The following ZNF804B variants were observed in gnomAD, a reference collection of about 807,000 sequenced individuals.
The protein encoded by ZNF804B is zinc finger 804B.
A neutral mutation model predicts 101.4 loss-of-function variants in ZNF804B; 80 were observed. That is an observed-to-expected ratio of 0.79 (90% confidence interval 0.66 to 0.95). ZNF804B has a LOEUF of 0.95. ZNF804B is among the 40% of genes least tolerant of loss of function. ZNF804B has a pLI of 0.00. For synonymous variants in ZNF804B, 622 were observed against 558.8 expected (o/e 1.11, Z -1.59); for missense variants, 1,673 against 1,561.9 (o/e 1.07, Z -1.20).
At chr7:89,173,241 C>A (rs976938637) in intron 1 of ZNF804B, among the ~76,000 whole-genome samples, 1 of 152,036 alleles carries the variant, frequency 6.6e-6, no homozygotes, top group Non-Finnish European at 1.5e-5. Flanking sequence ...CCAGCCTACA[C>A]CATTCCACAA....
intron 1 of ZNF804B, among the ~76,000 whole-genome samples, chr7:89,171,030 A>G (rs1386663003): frequency 6.6e-6 from 1 of 152,200 alleles, no homozygotes; most frequent in Non-Finnish European, 1.5e-5. Flanking sequence ...TAGGATTAAC[A>G]CTATGGAACA....
At chr7:89,044,943 C>A (rs143767215) in intron 1 of ZNF804B, among the ~76,000 whole-genome samples, 3 of 152,286 alleles carry the variant, frequency 2.0e-5, no homozygotes, top group African/African-American at 7.2e-5. Flanking sequence ...GAAAATATTT[C>A]CAGGTCATGT....
At chr7:89,073,780 A>T (rs1463778600) in intron 1 of ZNF804B, among the ~76,000 whole-genome samples, 1 of 152,146 alleles carries the variant, frequency 6.6e-6, no homozygotes, top group Non-Finnish European at 1.5e-5. Context: ...ATCTGTGTTT[A>T]ACTTCTGGTC....
chr7:88,800,442 T>C (rs1790560879), intron 1 of ZNF804B, among the ~76,000 whole-genome samples: 3 of 152,280 alleles, frequency 2.0e-5, no homozygotes, highest in Middle Eastern at 3.4e-3. Flanking sequence ...ATCTATTTAC[T>C]ATTTGTAGAA....
intron 1 of ZNF804B, among the ~76,000 whole-genome samples, chr7:88,912,438 G>A (rs1180951526): frequency 6.6e-6 from 1 of 152,078 alleles, no homozygotes; most frequent in Non-Finnish European, 1.5e-5. Context: ...TAATTTAGAT[G>A]AAGTATAAGT....
chr7:88,760,326 C>T (rs746462820), intron 1 of ZNF804B, among the ~76,000 whole-genome samples: 1 of 152,164 alleles, frequency 6.6e-6, no homozygotes, highest in Non-Finnish European at 1.5e-5. Flanking sequence ...TATAGTGCTA[C>T]GGATGTAAAT....
intron 1 of ZNF804B, among the ~76,000 whole-genome samples, chr7:89,064,420 C>A (rs1233118461): frequency 6.6e-6 from 1 of 152,162 alleles, no homozygotes; most frequent in Non-Finnish European, 1.5e-5. Flanking sequence ...GTTTCAGGAG[C>A]AATAACCTAA....
chr7:88,840,855 T>A (rs1186519980), intron 1 of ZNF804B, among the ~76,000 whole-genome samples: 1 of 152,166 alleles, frequency 6.6e-6, no homozygotes, highest in Non-Finnish European at 1.5e-5. Flanking sequence ...CAAAATTGAC[T>A]GACTATAAAA....
At chr7:89,163,744 C>A (rs904350569) in intron 1 of ZNF804B, among the ~76,000 whole-genome samples, 1 of 151,950 alleles carries the variant, frequency 6.6e-6, no homozygotes, top group African/African-American at 2.4e-5. Flanking sequence ...GTGTGTTGAA[C>A]CTATACCTGC....
At chr7:88,855,278 T>C (rs112527127) in intron 1 of ZNF804B, among the ~76,000 whole-genome samples, 16 of 151,104 alleles carry the variant, frequency 1.1e-4, no homozygotes, top group Non-Finnish European at 1.6e-4. Flanking sequence ...GTTTCCTGAC[T>C]TTTTAATGAT....
At chr7:89,055,425 G>A (rs1346354716) in intron 1 of ZNF804B, among the ~76,000 whole-genome samples, 2 of 152,050 alleles carry the variant, frequency 1.3e-5, no homozygotes, top group African/African-American at 2.4e-5. Context: ...AAGGGGTTAG[G>A]TATAGGTTAA....
chr7:88,841,542 C>T (rs972122941), intron 1 of ZNF804B, among the ~76,000 whole-genome samples: 3 of 152,136 alleles, frequency 2.0e-5, no homozygotes, highest in African/African-American at 7.2e-5. Flanking sequence ...TTATTTGGAA[C>T]CTTCCTAGAC....
chr7:89,023,825 G>A (rs1788705661), intron 1 of ZNF804B, among the ~76,000 whole-genome samples: 2 of 152,144 alleles, frequency 1.3e-5, no homozygotes, highest in South Asian at 4.1e-4. Flanking sequence ...ATATGCCTAG[G>A]AGTTTTTGAC....
intron 2 of ZNF804B, among the ~76,000 whole-genome samples, chr7:89,227,718 T>A (rs948689095): frequency 6.6e-6 from 1 of 151,440 alleles, no homozygotes; most frequent in African/African-American, 2.4e-5. Flanking sequence ...AGAGAGAGAG[T>A]GTTCCACACA....
chr7:88,867,535 G>T (rs1416221867), intron 1 of ZNF804B, among the ~76,000 whole-genome samples: 1 of 152,126 alleles, frequency 6.6e-6, no homozygotes, highest in South Asian at 2.1e-4. Context: ...ACATTAAGGG[G>T]GGATTTTCCT....
intron 1 of ZNF804B, among the ~76,000 whole-genome samples, chr7:88,852,527 C>G (rs1488561798): frequency 6.6e-6 from 1 of 152,014 alleles, no homozygotes; most frequent in African/African-American, 2.4e-5. Flanking sequence ...TTAAAAATGA[C>G]TGACCCCATG....
intron 1 of ZNF804B, among the ~76,000 whole-genome samples, chr7:89,103,449 G>C (rs1242160740): frequency 6.6e-6 from 1 of 150,884 alleles, no homozygotes; most frequent in Non-Finnish European, 1.5e-5. Flanking sequence ...CATTTCCTTG[G>C]TTAAATGTAT....
At chr7:88,926,853 G>GT (rs1792807536) in intron 1 of ZNF804B, among the ~76,000 whole-genome samples, 1 of 149,940 alleles carries the variant, frequency 6.7e-6, no homozygotes, top group African/African-American at 2.5e-5. Context: ...ACTAGCAATT[G>GT]TGTAGACTTT....
intron 1 of ZNF804B, among the ~76,000 whole-genome samples, chr7:89,176,591 C>CTTTTTTTTTTTTTTTTTTTTTTTTT (rs35866405): frequency 5.4e-4 from 39 of 71,930 alleles, no homozygotes; most frequent in East Asian, 1.4e-3. Context: ...TTCTTTCTTT[C>CTTTTTTTTTTTTTTTTTTTTTTTTT]TTTTTTTTTT....
Sources: gnomAD v4.1 joint callset for allele counts (sites outside exome capture counted in the v4.1 genomes callset) on GRCh38, gnomAD v4.1.1 for gene constraint, MANE v1.5 for transcripts, NCBI Gene and HGNC (gene_info 2026-07-23, HGNC 2026-07-21) for gene names.